CDKAL1: variants seen among roughly 807,000 people sequenced by gnomAD.
CDKAL1 encodes threonylcarbamoyladenosine tRNA methylthiotransferase.
Under a neutral mutation model 68.2 loss-of-function variants are expected in CDKAL1, and 32 were observed. That is an observed-to-expected ratio of 0.47 (90% confidence interval 0.35 to 0.63). CDKAL1 has a LOEUF of 0.63. Ranked by LOEUF, CDKAL1 falls within the 30% of genes least tolerant of loss-of-function variation. CDKAL1 has a pLI of 0.00. For synonymous variants in CDKAL1, 234 were observed against 244.3 expected, an observed-to-expected ratio of 0.96 and a Z score of 0.39; for missense variants, 606 against 696.7, an observed-to-expected ratio of 0.87 and a Z score of 1.47.
chr6:21,034,431 T>C (rs1480710586), intron 11 of CDKAL1, among the ~76,000 whole-genome samples: 2 of 152,036 alleles, frequency 1.3e-5, no homozygotes, highest in Non-Finnish European at 2.9e-5. Context: ...TAACGATTTT[T>C]AATAAAAAAA....
intron 10 of CDKAL1, among the ~76,000 whole-genome samples, chr6:20,968,238 A>C (rs1405424944): frequency 6.7e-6 from 1 of 149,544 alleles, no homozygotes; most frequent in Admixed American, 6.7e-5. Flanking sequence ...GGCTCACTGC[A>C]TCCTTGACTT....
rs181939290 is a variant in CDKAL1 at position 20,889,779 on chromosome 6, A to G, written c.742+43601A>G. ...TACTGTAGCCTTGTAGTATAGTTTG[A>G]AGTCAGGTAGTGTGATGCCTCCAGC... On this transcript the variant is annotated intron_variant, in intron 9 of 15. Transcript: ENST00000274695. 3.8e-3 allele frequency among the ~76,000 whole-genome samples: 571 copies of G among 152,238 alleles called. 4 individuals carry two copies. Among genetic ancestry groups the G allele is most frequent in the African/African-American group, 0.013 (546 of 41,538 alleles).
At chr6:21,074,192 G>C (rs1029819153) in intron 12 of CDKAL1, among the ~76,000 whole-genome samples, 1 of 152,198 alleles carries the variant, frequency 6.6e-6, no homozygotes, top group African/African-American at 2.4e-5. Flanking sequence ...TCATGTACCA[G>C]AATCCTTCCT....
At chr6:21,096,179 C>T (rs2150977387) in intron 12 of CDKAL1, among the ~76,000 whole-genome samples, 1 of 152,260 alleles carries the variant, frequency 6.6e-6, no homozygotes, top group East Asian at 1.9e-4. Flanking sequence ...AGCTTCTCTT[C>T]AAATGGGGTG....
chr6:20,773,921 T>C (rs756365344), intron 7 of CDKAL1, among the ~76,000 whole-genome samples: 7 of 152,164 alleles, frequency 4.6e-5, no homozygotes, highest in Non-Finnish European at 8.8e-5. Context: ...TCTGCCCCCA[T>C]CATCGTGTTG....
chr6:20,684,165 G>A (rs1770510982), intron 5 of CDKAL1, among the ~76,000 whole-genome samples: 1 of 152,218 alleles, frequency 6.6e-6, no homozygotes, highest in South Asian at 2.1e-4. Context: ...CTTTAGGCCA[G>A]GTGTGTTGGC....
intron 13 of CDKAL1, among the ~76,000 whole-genome samples, chr6:21,129,843 TG>T (rs1211488425): frequency 6.6e-6 from 1 of 152,158 alleles, no homozygotes; most frequent in Non-Finnish European, 1.5e-5. Flanking sequence ...ATAGAATATT[TG>T]GAATTATTAA....
chr6:21,170,030 C>G (rs2151073859), intron 13 of CDKAL1, among the ~76,000 whole-genome samples: 1 of 150,564 alleles, frequency 6.6e-6, no homozygotes, highest in African/African-American at 2.5e-5. Flanking sequence ...CACAGCCAAA[C>G]CGTATCAGTA....
chr6:20,716,122 G>T (rs962078343), intron 5 of CDKAL1, among the ~76,000 whole-genome samples: 1 of 152,158 alleles, frequency 6.6e-6, no homozygotes, highest in African/African-American at 2.4e-5. Context: ...CACTGTTCTG[G>T]TTTGGTGCAC....
intron 13 of CDKAL1, among the ~76,000 whole-genome samples, chr6:21,109,437 G>A (rs937788064): frequency 6.6e-6 from 1 of 152,162 alleles, no homozygotes; most frequent in Non-Finnish European, 1.5e-5. Flanking sequence ...GAAAAATTGT[G>A]CCAGTTCATA....
chr6:20,680,204 T>G (rs1770312798), intron 5 of CDKAL1, among the ~76,000 whole-genome samples: 1 of 152,094 alleles, frequency 6.6e-6, no homozygotes, highest in African/African-American at 2.4e-5. Context: ...ATAGCTAGGA[T>G]TACAGGTGCC....
At chr6:20,612,275 GGGATTGCT>G in intron 4 of CDKAL1, among the ~76,000 whole-genome samples, 1 of 152,240 alleles carries the variant, frequency 6.6e-6, no homozygotes, top group South Asian at 2.1e-4. Flanking sequence ...ACCCGTTAGT[GGGATTGCT>G]GGATCATATG....
intron 13 of CDKAL1, among the ~76,000 whole-genome samples, chr6:21,121,573 G>A (rs931253015): frequency 1.4e-4 from 22 of 152,192 alleles, no homozygotes; most frequent in African/African-American, 5.1e-4. Context: ...GGGATTAAAT[G>A]GGAAGCATCT....
chr6:20,740,846 T>C (rs1395684721), intron 6 of CDKAL1, among the ~76,000 whole-genome samples: 1 of 152,186 alleles, frequency 6.6e-6, no homozygotes, highest in Non-Finnish European at 1.5e-5. Context: ...TTTTTCTTGG[T>C]TTAAGGAATG....
At chr6:20,988,744 G>A (rs1455650797) in intron 10 of CDKAL1, among the ~76,000 whole-genome samples, 5 of 151,928 alleles carry the variant, frequency 3.3e-5, no homozygotes, top group African/African-American at 7.3e-5. Flanking sequence ...CCGCCTCCCG[G>A]GTTCAAGCAA....
chr6:20,780,660 AT>A (rs1561771500), intron 7 of CDKAL1, among the ~76,000 whole-genome samples: 4 of 99,326 alleles, frequency 4.0e-5, no homozygotes, highest in Admixed American at 1.0e-4. Context: ...GTTTTTTTTC[AT>A]TTCTTTTTCT....
chr6:20,997,326 G>C (rs1767173884), intron 10 of CDKAL1, among the ~76,000 whole-genome samples: 1 of 152,228 alleles, frequency 6.6e-6, no homozygotes, highest in South Asian at 2.1e-4. Context: ...GAGAGGAATG[G>C]AAGAGAAAGC....
intron 5 of CDKAL1, among the ~76,000 whole-genome samples, chr6:20,677,422 G>T (rs143294893): frequency 6.6e-6 from 1 of 150,588 alleles, no homozygotes; most frequent in East Asian, 2.0e-4. Flanking sequence ...TTCAACGAAG[G>T]CTTTATTTTT....
chr6:20,766,574 T>C (rs1446585461), intron 7 of CDKAL1, among the ~76,000 whole-genome samples: 3 of 152,184 alleles, frequency 2.0e-5, no homozygotes, highest in Non-Finnish European at 4.4e-5. Context: ...ACATTAACTC[T>C]TGTGAATCCT....
Sources: gnomAD v4.1 joint callset for allele counts (sites outside exome capture counted in the v4.1 genomes callset) on GRCh38, gnomAD v4.1.1 for gene constraint, MANE v1.5 for transcripts, NCBI Gene and HGNC (gene_info 2026-07-23, HGNC 2026-07-21) for gene names.